SHMT1: variants seen among roughly 807,000 people sequenced by gnomAD.
SHMT1 encodes the protein serine hydroxymethyltransferase, cytosolic.
Under a neutral mutation model 49.0 loss-of-function variants are expected in SHMT1, and 45 were observed. The observed-to-expected ratio is 0.92, with a 90% CI of 0.72 to 1.18. The LOEUF is 1.18. Among genes scored for constraint, SHMT1 ranks in the 50% most tolerant of loss-of-function variants. The probability of loss-of-function intolerance (pLI) is 0.00; values close to 1 mark genes in which losing one functional copy is unlikely to be tolerated. For missense variants in SHMT1, 541 were observed against 612.4 expected, an observed-to-expected ratio of 0.88 and a Z score of 1.23; for synonymous variants, 232 against 246.6, an observed-to-expected ratio of 0.94 and a Z score of 0.55.
At chr17:18,336,754 G>A (rs1983840335) in intron 7 of SHMT1, among the ~76,000 whole-genome samples, 1 of 152,106 alleles carries the variant, frequency 6.6e-6, no homozygotes. Flanking sequence ...AGACCAGCAT[G>A]AGCAACAAAG....
chr17:18,355,950 T>C lies in SHMT1; in HGVS notation c.32A>G (p.Asp11Gly), dbSNP rs1426882725. ...GTCATGTGAGGACCACAGGTCAGCA[T>C]CCTTGTGGGCCCCGTTGACTGGCAT... Reference protein sequence around the residue: MTMPVNGAHKDADLWSSHDKM... With the variant: MTMPVNGAHKGADLWSSHDKM... The change falls in exon 2 of 12, where the codon GAT becomes GGT. Residue 11 changes from aspartate (D) to glycine (G), a missense_variant. Physicochemically the swap from Asp to Gly is moderately conservative, Grantham distance 94. Coordinates refer to ENST00000316694, the MANE Select transcript of SHMT1 (RefSeq NM_004169.5). The C allele has an allele frequency of 1.2e-6, 2 of 1,614,004 alleles. No homozygotes were observed. The highest frequency in any genetic ancestry group is 8.5e-7 in the Non-Finnish European group (1 of 1,179,962).
Position 18,328,780 on chromosome 17 carries a change from G to C in SHMT1, c.1422C>G (p.Leu474=). Residue 474 remains leucine, a synonymous_variant, in exon 12 of 12, where the codon CTC becomes CTG. Coordinates refer to ENST00000316694, the MANE Select transcript of SHMT1 (RefSeq NM_004169.5). ...AGTCAGGCAGGCCAGGCAGAGGGAA[G>C]AGAGAGGCGAAGCTCTCAACCTCCT... ...LREEVESFAS[L]FPLPGLPDF is the part of the protein sequence containing the mutation. 6.3e-7 allele frequency: 1 copy of C among 1,594,542 alleles called. No individual in the cohort carries two copies. Among genetic ancestry groups the C allele is most frequent in the Non-Finnish European group, 8.5e-7 (1 of 1,170,000 alleles).
At chr17:18,347,432 A>G (rs1407071115) in intron 5 of SHMT1, 64 bp downstream of exon 5, 21 of 1,574,522 alleles carry the variant, frequency 1.3e-5, no homozygotes, top group African/African-American at 2.7e-5. Flanking sequence ...TTACCCCTGC[A>G]GGCACAGCCA....
chr17:18,340,850 C>G lies in SHMT1; in HGVS notation c.520-37G>C. ...CAGGGAGGCAGGTTCAGGCTGCTTC[C>G]TCCAACCACACCTGCCTCCTGTCCT... On this transcript the variant is annotated intron_variant, in intron 5 of 11. Transcript: ENST00000316694. This position sits in a 1 kb window ranked among gnomAD's most constrained non-coding sequence, Gnocchi z 4.5. 1 of 1,497,568 alleles carries G rather than the reference C, an allele frequency of 6.7e-7. No homozygotes were observed. Among genetic ancestry groups the G allele is most frequent in the Non-Finnish European group, 9.2e-7 (1 of 1,083,336 alleles). The allele number at this position is 1,497,568 out of a possible 1,614,324, so 92.8% of individuals were successfully genotyped here. A position where few individuals can be genotyped will look rare whatever the true frequency, so the allele number is the denominator to read the frequency against.
In SHMT1 at chr17:18,333,242, A is replaced by C; in HGVS notation, c.978T>G (p.Val326=). 6.2e-7 allele frequency: 1 copy of C among 1,613,866 alleles called. No homozygotes were observed. The highest frequency in any genetic ancestry group is 8.5e-7 in the Non-Finnish European group (1 of 1,179,980). The change falls in exon 9 of 12, where the codon GTT becomes GTG. Residue 326 remains valine (V), a synonymous_variant. Coordinates refer to ENST00000316694, the MANE Select transcript of SHMT1 (RefSeq NM_004169.5). ...AGTTGGCCACCACCTGGTGTTGATA[A>C]ACTTTAAATTCCAGAGTCATAGCTT... The part of the protein sequence containing the change: ...LKQAMTLEFK[V]YQHQVVANCR...
In SHMT1 at chr17:18,347,257, C is replaced by T. The variant is rs149964280; in HGVS notation, c.519+239G>A. On this transcript the variant is annotated intron_variant, in intron 5 of 11. Transcript: ENST00000316694. Reference sequence around the variant, plus strand: ...CTGCCCCTGCCACATCTGAACTCTCCTCAGTAGTTGCCTCCCTCACTGGTT... The same window carrying T: ...CTGCCCCTGCCACATCTGAACTCTCTTCAGTAGTTGCCTCCCTCACTGGTT... 2.7e-3 allele frequency among the ~76,000 whole-genome samples: 413 copies of T among 152,312 alleles called. 1 individual carries two copies. The highest frequency in any genetic ancestry group is 0.014 in the Middle Eastern group (4 of 294).
chr17:18,328,618 A>G lies in SHMT1; in HGVS notation c.*132T>C. 1 of 967,620 alleles carries G rather than the reference A, an allele frequency of 1.0e-6. No individual in the cohort carries two copies. 59.9% of individuals were successfully genotyped at this position (967,620 alleles called of 1,614,324 possible). On this transcript the variant is annotated 3_prime_UTR_variant, in exon 12 of 12. Coordinates refer to ENST00000316694, the MANE Select transcript of SHMT1 (RefSeq NM_004169.5). ...GTGAAGAAAACATGAAAAAAGTCCA[A>G]AAGAAACCCCCTCAAAGGGCCCGAG... is the stretch of plus-strand genomic sequence containing the variant.
intron 5 of SHMT1, among the ~76,000 whole-genome samples, chr17:18,342,167 T>G (rs150630808): frequency 6.6e-6 from 1 of 152,270 alleles, no homozygotes; most frequent in Non-Finnish European, 1.5e-5. Context: ...AACAGATGAA[T>G]GGACAAAGGA....
At chr17:18,343,049 T>C (rs577730062) in intron 5 of SHMT1, among the ~76,000 whole-genome samples, 5 of 152,222 alleles carry the variant, frequency 3.3e-5, no homozygotes, top group Non-Finnish European at 5.9e-5. Context: ...AATGGAGAGA[T>C]ACTGAGCAAA....
chr17:18,342,222 G>GA (rs1425045514), intron 5 of SHMT1, among the ~76,000 whole-genome samples: 1 of 152,088 alleles, frequency 6.6e-6, no homozygotes, highest in Non-Finnish European at 1.5e-5. Context: ...TAATCAGTCT[G>GA]AAAAAAGAAA....
chr17:18,355,875 A>C lies in SHMT1; in HGVS notation c.96+11T>G. The C allele has an allele frequency of 6.3e-7, 1 of 1,599,686 alleles. No homozygotes were observed. Among genetic ancestry groups the C allele is most frequent in the Non-Finnish European group, 8.6e-7 (1 of 1,167,004 alleles). On this transcript the variant is annotated intron_variant, in intron 2 of 11. Coordinates refer to ENST00000316694, the MANE Select transcript of SHMT1 (RefSeq NM_004169.5). Reference sequence around the variant, plus strand: ...ACATAAAAAAATCTGTGAAGACCCCAAAAATCTCACCTCAACATCACTGTC... The same window carrying C: ...ACATAAAAAAATCTGTGAAGACCCCCAAAATCTCACCTCAACATCACTGTC...
At chr17:18,347,340 T>A (rs1165784197) in intron 5 of SHMT1, among the ~76,000 whole-genome samples, 156 bp downstream of exon 5, 1 of 152,216 alleles carries the variant, frequency 6.6e-6, no homozygotes, top group Admixed American at 6.5e-5. Flanking sequence ...CAGCGGGTCC[T>A]GAAAACCTGA....
intron 8 of SHMT1, chr17:18,333,581 T>C (rs1426344556): frequency 6.2e-6 from 1 of 160,858 alleles, no homozygotes; most frequent in Non-Finnish European, 1.3e-5. Context: ...TTCTTCTGCT[T>C]CGGCATCCCG....
At chr17:18,361,162 T>G (rs1021299283) in intron 1 of SHMT1, among the ~76,000 whole-genome samples, 2 of 151,752 alleles carry the variant, frequency 1.3e-5, no homozygotes, top group African/African-American at 4.8e-5. Context: ...AAAAATGAGC[T>G]GGGTGTGTGG....
At chr17:18,336,290 GAAAAA>G (rs1211191640) in intron 7 of SHMT1, among the ~76,000 whole-genome samples, 1 of 147,826 alleles carries the variant, frequency 6.8e-6, no homozygotes, top group South Asian at 2.1e-4. Context: ...AAGAAAAAAA[GAAAAA>G]AAAAGGACAG....
At chr17:18,347,443 A>G in intron 5 of SHMT1, 53 bp downstream of exon 5, 1 of 1,598,146 alleles carries the variant, frequency 6.3e-7, no homozygotes, top group Non-Finnish European at 8.6e-7. Context: ...GGCACAGCCA[A>G]GCATCAGAGG....
intron 5 of SHMT1, 28 bp downstream of exon 5, chr17:18,347,468 A>G: frequency 6.2e-7 from 1 of 1,612,658 alleles, no homozygotes; most frequent in South Asian, 1.1e-5. Flanking sequence ...CCAAGGAAAT[A>G]AAAGCTAGGA....
chr17:18,336,356 A>G (rs1458810133), intron 7 of SHMT1, among the ~76,000 whole-genome samples: 3 of 151,814 alleles, frequency 2.0e-5, no homozygotes, highest in African/African-American at 2.4e-5. Context: ...TTTGCCCTGG[A>G]CATCTTTCCT....
intron 1 of SHMT1, among the ~76,000 whole-genome samples, chr17:18,359,166 A>T (rs563458888): frequency 4.0e-5 from 6 of 149,466 alleles, no homozygotes; most frequent in African/African-American, 1.5e-4. Context: ...TGAACCCGGG[A>T]GGCGGAAGTT....
Sources: gnomAD v4.1 joint callset for allele counts (sites outside exome capture counted in the v4.1 genomes callset) on GRCh38, gnomAD v4.1.1 for gene constraint, Gnocchi (gnomAD v3.1) non-coding constraint, MANE v1.5 for transcripts, NCBI Gene and HGNC (gene_info 2026-07-23, HGNC 2026-07-21) for gene names.